UAP1: variants seen among roughly 807,000 people sequenced by gnomAD.
UAP1 encodes UDP-N-acetylglucosamine pyrophosphorylase 1.
Under a neutral mutation model 58.5 loss-of-function variants are expected in UAP1, and 25 were observed. The observed-to-expected ratio is 0.43, with a 90% CI of 0.31 to 0.60. The LOEUF (loss-of-function observed/expected upper bound fraction) is 0.60, where lower values mean the gene tolerates loss of function less well. UAP1 is among the 20% of genes least tolerant of loss of function. The pLI is 0.11. For synonymous variants in UAP1, 208 were observed against 213.0 expected, an observed-to-expected ratio of 0.98 and a Z score of 0.21; for missense variants, 575 against 630.0, an observed-to-expected ratio of 0.91 and a Z score of 0.93.
chr1:162,563,833 CA>C lies in UAP1; in HGVS notation c.-58+2057del, dbSNP rs1202321049. On this transcript the variant is annotated intron_variant, in intron 1 of 10. Coordinates refer to ENST00000271469, the Ensembl canonical transcript of UAP1. ...TCTTTACTCTTGACTATCTTGAAGG[CA>C]TGTGAGAAAGGTTGGTTGTCTTATA... 3.3e-5 allele frequency among the ~76,000 whole-genome samples: 5 copies of C among 152,128 alleles called. 1 individual carries two copies. Among genetic ancestry groups the C allele is most frequent in the Admixed American group, 2.6e-4 (4 of 15,266 alleles).
intron 2 of UAP1, among the ~76,000 whole-genome samples, chr1:162,571,500 G>A (rs1653864362): frequency 6.6e-6 from 1 of 152,128 alleles, no homozygotes; most frequent in Admixed American, 6.5e-5. Flanking sequence ...TAACCCTTAT[G>A]TCTTATCATG....
At chr1:162,578,120 G>A (rs1654324638) in intron 3 of UAP1, among the ~76,000 whole-genome samples, 2 of 152,060 alleles carry the variant, frequency 1.3e-5, no homozygotes, top group Admixed American at 6.6e-5. Flanking sequence ...CTCTTTCCCC[G>A]AGCAGTTTTG....
At position 162,585,682 on chromosome 1, in the gene UAP1, A is replaced by C. The variant is rs187610615; in HGVS notation, c.835-1793A>C. ...GAGGTTAATAGTTGCCATAGAAGTA[A>C]ACCTTTGGGAAATGTAAAATGTGAA... On this transcript the variant is annotated intron_variant, in intron 5 of 10. Coordinates refer to ENST00000271469, the Ensembl canonical transcript of UAP1. Among the ~76,000 whole-genome samples the C allele has an allele frequency of 7.2e-5, 11 of 152,300 alleles. No individual in the cohort carries two copies. The East Asian group carries it at 1.7e-3, about 24-fold the overall frequency.
exon 6 of UAP1, chr1:162,587,662 T>C (rs769724345): frequency 6.2e-7 from 1 of 1,611,994 alleles, no homozygotes; most frequent in African/African-American, 1.3e-5. Flanking sequence ...CTGAGAGATG[T>C]TGTCAAGTAT....
chr1:162,567,143 T>C (rs1057156200), intron 2 of UAP1, among the ~76,000 whole-genome samples: 1 of 152,242 alleles, frequency 6.6e-6, no homozygotes, highest in African/African-American at 2.4e-5. Flanking sequence ...TGCAGTGCAG[T>C]AGTTCTGCCA....
chr1:162,597,297 TAATTA>T (rs567596754), intron 9 of UAP1: 1 of 152,394 alleles, frequency 6.6e-6, no homozygotes, highest in African/African-American at 2.4e-5. Context: ...TTAAAAATTT[TAATTA>T]AATTTAAGTA....
At chr1:162,573,650 T>C (rs1654000777) in intron 2 of UAP1, among the ~76,000 whole-genome samples, 3 of 152,030 alleles carry the variant, frequency 2.0e-5, no homozygotes, top group African/African-American at 7.2e-5. Context: ...TAATGTGCTG[T>C]TGGGTTTTTA....
intron 1 of UAP1, among the ~76,000 whole-genome samples, chr1:162,562,876 A>G (rs1653249067): frequency 6.6e-6 from 1 of 152,228 alleles, no homozygotes; most frequent in African/African-American, 2.4e-5. Flanking sequence ...GTATACCAGC[A>G]GAGATAGGGG....
chr1:162,574,097 T>TC (rs1321580458), intron 2 of UAP1, among the ~76,000 whole-genome samples: 3 of 149,060 alleles, frequency 2.0e-5, no homozygotes, highest in African/African-American at 7.3e-5. Context: ...TCTTTTCTTT[T>TC]TTTTTTTTTT....
chr1:162,594,270 A>G (rs1247747260), intron 9 of UAP1, among the ~76,000 whole-genome samples: 1 of 152,206 alleles, frequency 6.6e-6, no homozygotes, highest in Admixed American at 6.5e-5. Flanking sequence ...TTAGACTCTC[A>G]TAAGGAGCAC....
In UAP1 at chr1:162,581,233, G is replaced by A. The variant is rs1252508829; in HGVS notation, c.662-54G>A. 4.6e-6 allele frequency: 7 copies of A among 1,526,064 alleles called. No individual in the cohort carries two copies. In the African/African-American group the frequency reaches 9.6e-5, roughly 21 times the overall value. The allele number at this position is 1,526,064 out of a possible 1,614,324, so 94.5% of individuals were successfully genotyped here. A position where few individuals can be genotyped will look rare whatever the true frequency, so the allele number is the denominator to read the frequency against. On this transcript the variant is annotated intron_variant, in intron 4 of 10. Transcript: ENST00000271469. ...ACCCTAGTTTGGAAACAATCTTTGT[G>A]TTACCTTTATGATGGATTTTGATAT...
At chr1:162,594,132 A>G (rs111478266) in intron 9 of UAP1, among the ~76,000 whole-genome samples, 3,460 of 152,278 alleles carry the variant, frequency 0.023, 86 homozygotes, top group Middle Eastern at 0.044. Flanking sequence ...CTTTATTTCT[A>G]TTATTATTAC....
At chr1:162,564,231 A>G (rs147094413) in intron 1 of UAP1, among the ~76,000 whole-genome samples, 1 of 152,198 alleles carries the variant, frequency 6.6e-6, no homozygotes, top group Non-Finnish European at 1.5e-5. Flanking sequence ...GAACACACAG[A>G]TGTAGGTTCT....
At chr1:162,599,348 G>A (rs1364220513) in exon 11 of UAP1, 1 of 1,610,110 alleles carries the variant, frequency 6.2e-7, no homozygotes. Flanking sequence ...ATGAGCTGGT[G>A]AAAAATGGTA....
intron 9 of UAP1, among the ~76,000 whole-genome samples, chr1:162,595,577 A>G (rs1234094514): frequency 6.6e-6 from 1 of 152,058 alleles, no homozygotes; most frequent in African/African-American, 2.4e-5. Context: ...TTAGTTTGTC[A>G]TCATTTTCAT....
intron 9 of UAP1, 112 bp from the exon 10 acceptor site, chr1:162,597,680 A>T: frequency 1.3e-6 from 1 of 798,968 alleles, no homozygotes; most frequent in Non-Finnish European, 2.1e-6. Context: ...CCATTTGTTT[A>T]ACTGGAAGAA....
intron 2 of UAP1, among the ~76,000 whole-genome samples, chr1:162,571,119 G>A (rs1314308240): frequency 7.4e-6 from 1 of 134,904 alleles, no homozygotes; most frequent in African/African-American, 2.8e-5. Context: ...TCTAACTTCT[G>A]ATTTTTTTGT....
chr1:162,562,891 G>GT (rs2101716838), intron 1 of UAP1, among the ~76,000 whole-genome samples: 1 of 152,318 alleles, frequency 6.6e-6, no homozygotes, highest in South Asian at 2.1e-4. Context: ...TAGGGGCTGG[G>GT]TGGGGGAAGC....
intron 2 of UAP1, among the ~76,000 whole-genome samples, chr1:162,570,668 G>C (rs1653806686): frequency 6.6e-6 from 1 of 152,084 alleles, no homozygotes; most frequent in South Asian, 2.1e-4. Context: ...TGATTAGTCT[G>C]CTTTTTGTGC....
Sources: allele counts gnomAD v4.1 joint callset (sites outside exome capture counted in the v4.1 genomes callset), GRCh38; gene constraint gnomAD v4.1.1; transcripts MANE v1.5; gene names NCBI Gene and HGNC (gene_info 2026-07-23, HGNC 2026-07-21).